FRMD6: variants seen among roughly 807,000 people sequenced by gnomAD.
FRMD6 encodes the protein FERM domain-containing protein 6.
Under a neutral mutation model 73.2 loss-of-function variants are expected in FRMD6, and 37 were observed. The observed-to-expected ratio is 0.51, with a 90% CI of 0.39 to 0.66. FRMD6 has a LOEUF of 0.66. Ranked by LOEUF, FRMD6 falls within the 30% of genes least tolerant of loss-of-function variation. The pLI is 0.00. For synonymous variants in FRMD6, 273 were observed against 282.2 expected (o/e 0.97, Z 0.33); for missense variants, 714 against 780.5 (o/e 0.91, Z 1.02).
chr14:51,654,459 T>TA (rs1892679470), intron 1 of FRMD6, among the ~76,000 whole-genome samples: 1 of 152,192 alleles, frequency 6.6e-6, no homozygotes, highest in South Asian at 2.1e-4. Context: ...TGTTTTTGAC[T>TA]GAGCTGTCAG....
At chr14:51,724,225 A>G (rs995664371) in intron 12 of FRMD6, 1 of 151,718 alleles carries the variant, frequency 6.6e-6, no homozygotes. Context: ...AAAAAAAAAC[A>G]CTCAGCTAAG....
chr14:51,477,894 C>T, the FRMD6 span, among the ~76,000 whole-genome samples: 1 of 152,006 alleles, frequency 6.6e-6, no homozygotes, highest in Admixed American at 6.6e-5. Context: ...CACGTGCCAC[C>T]ATGCTGGCTA....
the FRMD6 span, among the ~76,000 whole-genome samples, chr14:51,440,432 A>G: frequency 6.6e-6 from 1 of 152,206 alleles, no homozygotes. Context: ...GGTTATGTAA[A>G]GCTGGAATGG....
intron 2 of FRMD6, among the ~76,000 whole-genome samples, chr14:51,577,529 G>T (rs12434748): frequency 6.6e-6 from 1 of 151,910 alleles, no homozygotes; most frequent in Non-Finnish European, 1.5e-5. Context: ...CGAAACTCGC[G>T]TACAAATAAA....
At chr14:51,707,360 A>G (rs1896683322) in intron 6 of FRMD6, among the ~76,000 whole-genome samples, 1 of 152,194 alleles carries the variant, frequency 6.6e-6, no homozygotes, top group Admixed American at 6.5e-5. Flanking sequence ...CTCACATTGC[A>G]TAATTCTTTC....
At chr14:51,559,005 G>A (rs1289348259) in intron 1 of FRMD6, among the ~76,000 whole-genome samples, 1 of 152,218 alleles carries the variant, frequency 6.6e-6, no homozygotes, top group African/African-American at 2.4e-5. Flanking sequence ...GCCTTGAGGA[G>A]CTACTTTATG....
Position 51,689,771 on chromosome 14 carries a change from C to A in FRMD6, c.-66C>A. On this transcript the variant is annotated 5_prime_UTR_variant, in exon 2 of 14. In the 5' UTR this introduces an upstream ATG that the reference lacks. Coordinates refer to ENST00000344768, the MANE Select transcript of FRMD6 (RefSeq NM_001267046.2). ...AGGAGGCGAGCTTGGCTTTGGAGTG[C>A]TGGGAACCTGAGGAATTGCCAAGGA... 1 of 928,272 alleles carries A rather than the reference C, an allele frequency of 1.1e-6. No homozygotes were observed. Among genetic ancestry groups the A allele is most frequent in the Non-Finnish European group, 1.8e-6 (1 of 555,954 alleles). The allele number at this position is 928,272 out of a possible 1,614,324, so 57.5% of individuals were successfully genotyped here. A position where few individuals can be genotyped will look rare whatever the true frequency, so the allele number is the denominator to read the frequency against.
the FRMD6 span, among the ~76,000 whole-genome samples, chr14:51,483,078 T>G: frequency 1.3e-5 from 2 of 152,180 alleles, no homozygotes; most frequent in African/African-American, 4.8e-5. Flanking sequence ...CTAGATATAT[T>G]TTTTGCTTAG....
chr14:51,621,879 G>C (rs1428267179), intron 2 of FRMD6, among the ~76,000 whole-genome samples: 2 of 152,212 alleles, frequency 1.3e-5, no homozygotes, highest in Non-Finnish European at 2.9e-5. Context: ...GCCCCAGCTT[G>C]TGTGGTCACA....
intron 2 of FRMD6, among the ~76,000 whole-genome samples, chr14:51,639,690 C>A (rs867523456): frequency 3.9e-5 from 6 of 152,160 alleles, no homozygotes; most frequent in Admixed American, 2.0e-4. Flanking sequence ...CTGGAAACCA[C>A]CCTTTTGAAC....
In FRMD6 at chr14:51,730,237, G is replaced by A. The variant is rs530252860; in HGVS notation, c.*2208G>A. 8.6e-4 allele frequency: 131 copies of A among 152,272 alleles called. 1 individual carries two copies. Among genetic ancestry groups the A allele is most frequent in the African/African-American group, 3.1e-3 (128 of 41,552 alleles). 9.4% of individuals were successfully genotyped at this position (152,272 alleles called of 1,614,324 possible). ...CTTCAACCAAAATCAGATCTTTGAGGTTTTGCTGACATTGTTGGTGGTTTT... is the reference window on the plus strand; with the variant it reads ...CTTCAACCAAAATCAGATCTTTGAGATTTTGCTGACATTGTTGGTGGTTTT... On this transcript the variant is annotated 3_prime_UTR_variant, in exon 14 of 14. Coordinates refer to ENST00000344768, the MANE Select transcript of FRMD6 (RefSeq NM_001267046.2).
In FRMD6 at chr14:51,689,849, A is replaced by C; in HGVS notation, c.13A>C (p.Asn5His). ...TGCCCAAAACACAATGAACAAATTG[A>C]ATTTTCATAACAACAGAGTCATGCA... is the stretch of plus-strand genomic sequence containing the variant. MNKL[N>H]FHNNRVMQDR... Residue 5 changes from asparagine to histidine, a missense_variant, in exon 2 of 14, where the codon AAT (asparagine) becomes CAT (histidine). Physicochemically the swap from Asn to His is moderately conservative, Grantham distance 68 (BLOSUM62 1). Coordinates refer to ENST00000344768, the MANE Select transcript of FRMD6 (RefSeq NM_001267046.2). The C allele has an allele frequency of 1.2e-6, 2 of 1,611,470 alleles. No individual in the cohort carries two copies. Among genetic ancestry groups the C allele is most frequent in the Non-Finnish European group, 1.7e-6 (2 of 1,178,422 alleles).
At chr14:51,587,014 T>C (rs576272013) in intron 2 of FRMD6, among the ~76,000 whole-genome samples, 1 of 152,318 alleles carries the variant, frequency 6.6e-6, no homozygotes, top group Non-Finnish European at 1.5e-5. Context: ...CCTTGGCCTC[T>C]CAAAGTGCTG....
chr14:51,652,788 C>G (rs912212387), intron 1 of FRMD6, among the ~76,000 whole-genome samples: 2 of 152,220 alleles, frequency 1.3e-5, no homozygotes, highest in African/African-American at 2.4e-5. Context: ...CAGGCACTGT[C>G]AGGTATGGAC....
rs973209294 is a variant in FRMD6 at position 51,728,526 on chromosome 14, G to C, written c.*497G>C. The C allele has an allele frequency of 3.7e-5, 6 of 161,704 alleles. No homozygotes were observed. The highest frequency in any genetic ancestry group is 5.7e-5 in the Admixed American group (1 of 17,660). 10.0% of individuals were successfully genotyped at this position (161,704 alleles called of 1,614,324 possible). The stretch of plus-strand genomic sequence containing the variant: ...TCTGTATACCCATTGCTTCCTCCCT[G>C]AGGCTGTCCCAAAGTGAACACTGAT... On this transcript the variant is annotated 3_prime_UTR_variant, in exon 14 of 14. Transcript: ENST00000344768.
rs551137355 is a variant in FRMD6 at position 51,523,824 on chromosome 14, A to G, written c.-210+34404A>G. Among the ~76,000 whole-genome samples the G allele has an allele frequency of 9.7e-4, 147 of 152,328 alleles. 1 individual carries two copies. The highest frequency in any genetic ancestry group is 5.8e-4 in the East Asian group (3 of 5,186). On this transcript the variant is annotated intron_variant, in intron 1 of 14. Transcript: ENST00000356218. ...AATTTCAAAGCAGATTTATTAAAGC[A>G]TTCTGTATTCAGTGTTACACGTTTG...
At chr14:51,634,309 A>G (rs1452556708) in intron 2 of FRMD6, among the ~76,000 whole-genome samples, 4 of 152,248 alleles carry the variant, frequency 2.6e-5, no homozygotes, top group African/African-American at 9.6e-5. Flanking sequence ...GGAAAAAATT[A>G]TTCCTCAAGG....
chr14:51,680,993 A>T (rs1894758274), intron 1 of FRMD6, among the ~76,000 whole-genome samples: 1 of 152,210 alleles, frequency 6.6e-6, no homozygotes, highest in African/African-American at 2.4e-5. Context: ...GGTTGCAGTG[A>T]TTTATAATGC....
intron 1 of FRMD6, among the ~76,000 whole-genome samples, chr14:51,496,831 G>T (rs542236148): frequency 6.6e-6 from 1 of 152,248 alleles, no homozygotes; most frequent in East Asian, 1.9e-4. Context: ...ATCTTTATGT[G>T]TGTCTTAATG....
Sources: gnomAD v4.1 joint callset for allele counts (sites outside exome capture counted in the v4.1 genomes callset) on GRCh38, gnomAD v4.1.1 for gene constraint, MANE v1.5 for transcripts, NCBI Gene and HGNC (gene_info 2026-07-23, HGNC 2026-07-21) for gene names.